TMEM182: variants seen among roughly 807,000 people sequenced by gnomAD.
TMEM182 encodes the protein transmembrane protein 182.
In TMEM182, 20 loss-of-function variants were observed where a neutral mutation model predicts 26.8. That is an observed-to-expected ratio of 0.75 (90% CI 0.53 to 1.09). TMEM182 has a LOEUF of 1.09. TMEM182 is among the 50% of genes least tolerant of loss of function. TMEM182 has a pLI of 0.00. For missense variants in TMEM182, 277 were observed against 275.5 expected (o/e 1.01, Z -0.04); for synonymous variants, 109 against 102.2 (o/e 1.07, Z -0.40).
intron 3 of TMEM182, among the ~76,000 whole-genome samples, chr2:102,783,509 A>C (rs1681258509): frequency 6.6e-6 from 1 of 152,172 alleles, no homozygotes; most frequent in Non-Finnish European, 1.5e-5. Flanking sequence ...AGTGAGGACA[A>C]CTCAAGGCTA....
chr2:102,808,288 C>T (rs1235652110), intron 4 of TMEM182, among the ~76,000 whole-genome samples: 3 of 152,176 alleles, frequency 2.0e-5, no homozygotes, highest in Non-Finnish European at 4.4e-5. Context: ...ATGAGCCATT[C>T]AGCTTTCCAA....
intron 3 of TMEM182, among the ~76,000 whole-genome samples, chr2:102,826,509 A>C (rs1365650455): frequency 6.6e-6 from 1 of 152,010 alleles, no homozygotes. Flanking sequence ...GACAATGAAA[A>C]TGTTCATGCA....
At chr2:102,819,346 A>G (rs1375119525), downstream of TMEM182, among the ~76,000 whole-genome samples, 2 of 152,344 alleles carry the variant, frequency 1.3e-5, no homozygotes, top group African/African-American at 4.8e-5. Flanking sequence ...ATATAAAGGC[A>G]CTGTAAGAAA....
intron 3 of TMEM182, among the ~76,000 whole-genome samples, chr2:102,791,259 A>G (rs1209777498): frequency 6.6e-6 from 1 of 152,222 alleles, no homozygotes; most frequent in Non-Finnish European, 1.5e-5. Context: ...AATAAACAAC[A>G]GAATACTTCT....
chr2:102,828,896 G>C (rs1456530769), intron 3 of TMEM182, among the ~76,000 whole-genome samples: 1 of 152,190 alleles, frequency 6.6e-6, no homozygotes, highest in Non-Finnish European at 1.5e-5. Flanking sequence ...CAGTTAACCT[G>C]AAATTGCCTA....
intron 3 of TMEM182, among the ~76,000 whole-genome samples, chr2:102,776,936 C>T (rs1237571977): frequency 6.6e-6 from 1 of 152,042 alleles, no homozygotes; most frequent in Admixed American, 6.6e-5. Flanking sequence ...TATTTACTAT[C>T]TGTATTTCTT....
intron 3 of TMEM182, among the ~76,000 whole-genome samples, chr2:102,773,888 A>G (rs1036001483): frequency 9.2e-5 from 14 of 152,182 alleles, no homozygotes; most frequent in Admixed American, 2.6e-4. Flanking sequence ...AATGAACATC[A>G]CCCGTAAAAA....
At chr2:102,823,973 C>A (rs2024413) in intron 3 of TMEM182, among the ~76,000 whole-genome samples, 123,127 of 152,178 alleles carry the variant, frequency 0.81, 50,515 homozygotes, top group African/African-American at 0.92. Flanking sequence ...ATTTTTGAGC[C>A]AGAAAAATGC....
intron 3 of TMEM182, 134 bp from the exon 4 acceptor site, chr2:102,797,729 C>T (rs978279529): frequency 2.8e-6 from 3 of 1,079,100 alleles, no homozygotes; most frequent in Admixed American, 3.0e-5. Context: ...AGACCCATCC[C>T]TGGCATTCTA....
intron 3 of TMEM182, among the ~76,000 whole-genome samples, chr2:102,783,345 T>C (rs992880093): frequency 6.6e-6 from 1 of 152,178 alleles, no homozygotes; most frequent in Admixed American, 6.5e-5. Context: ...CAAAAAGAAA[T>C]ATTGACAATC....
intron 3 of TMEM182, 95 bp downstream of exon 3, chr2:102,764,522 T>C: frequency 4.3e-6 from 4 of 932,794 alleles, no homozygotes; most frequent in Non-Finnish European, 6.3e-6. Flanking sequence ...AAAAAAATAA[T>C]TTAAGACCTG....
At chr2:102,822,891 GAAGAAAGAAGA>G (rs140053299) in intron 3 of TMEM182, among the ~76,000 whole-genome samples, 1,582 of 152,058 alleles carry the variant, frequency 0.01, 31 homozygotes, top group African/African-American at 0.036. Flanking sequence ...AAAAGAAGAA[GAAGAAAGAAGA>G]AAGAAAGAAG....
chr2:102,843,802 T>C (rs2104785982), exon 4 of TMEM182: 1 of 152,390 alleles, frequency 6.6e-6, no homozygotes, highest in Non-Finnish European at 1.5e-5. Context: ...AATGCATACC[T>C]GCTTATATTT....
At chr2:102,740,703 A>G (rs1573478222) in intron 1 of TMEM182, among the ~76,000 whole-genome samples, 1 of 152,332 alleles carries the variant, frequency 6.6e-6, no homozygotes, top group East Asian at 1.9e-4. Flanking sequence ...CCCAACTATT[A>G]CACTCTGAGA....
upstream of TMEM182, chr2:102,761,877 G>T (rs916139264): frequency 4.0e-5 from 9 of 223,962 alleles, no homozygotes; most frequent in East Asian, 1.2e-3. Context: ...GATAATCTGA[G>T]CCAGTTCCTG....
upstream of TMEM182, among the ~76,000 whole-genome samples, chr2:102,758,151 ATTAT>A (rs879522895): frequency 2.3e-4 from 35 of 152,066 alleles, no homozygotes; most frequent in Non-Finnish European, 4.4e-4. Context: ...GAGCCGTTTT[ATTAT>A]AGGATTATTA....
chr2:102,801,691 CAT>C (rs1234570357), intron 4 of TMEM182, among the ~76,000 whole-genome samples: 2 of 152,072 alleles, frequency 1.3e-5, no homozygotes, highest in Admixed American at 6.5e-5. Context: ...GCTATAAACT[CAT>C]ACTAAAAAGG....
intron 3 of TMEM182, among the ~76,000 whole-genome samples, chr2:102,782,371 A>G (rs1328848648): frequency 6.6e-6 from 1 of 152,158 alleles, no homozygotes; most frequent in East Asian, 1.9e-4. Context: ...TGATAATTTA[A>G]TAATAAAAAT....
chr2:102,817,703 T>C (rs1398776151), downstream of TMEM182: 5 of 984,110 alleles, frequency 5.1e-6, no homozygotes, highest in Admixed American at 1.8e-4. Flanking sequence ...TAATTATTCA[T>C]CTATTTATCT....
Sources: allele counts gnomAD v4.1 joint callset (sites outside exome capture counted in the v4.1 genomes callset), GRCh38; gene constraint gnomAD v4.1.1; transcripts MANE v1.5; gene names NCBI Gene and HGNC (gene_info 2026-07-23, HGNC 2026-07-21).